Variants in MRTFB observed in about 807,000 individuals in gnomAD.
The protein encoded by MRTFB is myocardin-related transcription factor B.
Under a neutral mutation model 104.2 loss-of-function variants are expected in MRTFB, and 29 were observed. The ratio of observed to expected loss-of-function variants is 0.28; its 90% confidence interval spans 0.21 to 0.38. MRTFB has a LOEUF of 0.38. Among genes scored for constraint, MRTFB ranks in the 10% least tolerant of loss-of-function variants. The pLI is 1.00. For missense variants in MRTFB, 1,270 were observed against 1,341.6 expected (o/e 0.95, Z 0.83); for synonymous variants, 535 against 519.5 (o/e 1.03, Z -0.41).
intron 7 of MRTFB, among the ~76,000 whole-genome samples, chr16:14,218,174 C>G (rs2041510081): frequency 1.3e-5 from 2 of 152,286 alleles, no homozygotes; most frequent in South Asian, 4.1e-4. Flanking sequence ...ATTCTCCTGC[C>G]TCAGCCTCCC....
chr16:14,098,674 T>G (rs2035529928), intron 2 of MRTFB, among the ~76,000 whole-genome samples: 1 of 152,216 alleles, frequency 6.6e-6, no homozygotes, highest in Non-Finnish European at 1.5e-5. Flanking sequence ...CTTGTAGAAT[T>G]TTGATAGTTT....
At chr16:14,043,932 G>C in the MRTFB span, among the ~76,000 whole-genome samples, 1 of 152,206 alleles carries the variant, frequency 6.6e-6, no homozygotes, top group African/African-American at 2.4e-5. Context: ...GCAGTGATAG[G>C]AGCACTCAGT....
the MRTFB span, among the ~76,000 whole-genome samples, chr16:14,008,108 G>A: frequency 6.6e-6 from 1 of 152,128 alleles, no homozygotes; most frequent in Non-Finnish European, 1.5e-5. Context: ...GTACATGTTT[G>A]TAGTCCCAGC....
the MRTFB span, among the ~76,000 whole-genome samples, chr16:14,063,043 G>C: frequency 8.5e-5 from 13 of 152,146 alleles, no homozygotes; most frequent in Non-Finnish European, 1.2e-4. Flanking sequence ...TATCTTCTCC[G>C]GGGTGCCCGG....
At chr16:14,016,824 A>G in the MRTFB span, among the ~76,000 whole-genome samples, 1 of 146,894 alleles carries the variant, frequency 6.8e-6, no homozygotes, top group African/African-American at 2.5e-5. Context: ...CCCAGGCCGT[A>G]TGGTGGTTGG....
chr16:14,107,190 C>T (rs188172809), intron 2 of MRTFB, among the ~76,000 whole-genome samples: 4 of 152,310 alleles, frequency 2.6e-5, no homozygotes, highest in East Asian at 1.9e-4. Flanking sequence ...GAGCCGAGAC[C>T]GTGCCACTGC....
intron 3 of MRTFB, among the ~76,000 whole-genome samples, chr16:14,189,992 C>A (rs1054898942): frequency 1.3e-5 from 2 of 152,150 alleles, no homozygotes; most frequent in Non-Finnish European, 2.9e-5. Flanking sequence ...TTAGCAATAC[C>A]TTTTGAAAAT....
intron 12 of MRTFB, chr16:14,248,315 A>G (rs1042682348): frequency 1.3e-5 from 2 of 152,250 alleles, no homozygotes; most frequent in Admixed American, 6.5e-5. Context: ...ATCATCTCGT[A>G]CCCCTGTGGT....
chr16:14,109,070 G>A (rs1313330957), intron 2 of MRTFB, among the ~76,000 whole-genome samples: 1 of 152,138 alleles, frequency 6.6e-6, no homozygotes, highest in South Asian at 2.1e-4. Context: ...ATCTTTAAAG[G>A]ATTTAAGGCT....
At chr16:14,093,198 A>G (rs899266820) in intron 2 of MRTFB, among the ~76,000 whole-genome samples, 11 of 152,048 alleles carry the variant, frequency 7.2e-5, no homozygotes, top group South Asian at 6.2e-4. Context: ...TTAGAAAAGC[A>G]CAGTTGTATT....
At chr16:14,225,754 C>T (rs2041974932) in intron 8 of MRTFB, among the ~76,000 whole-genome samples, 1 of 152,176 alleles carries the variant, frequency 6.6e-6, no homozygotes, top group Admixed American at 6.5e-5. Flanking sequence ...GTCTCGAACT[C>T]CTGAGCTTAG....
upstream of MRTFB, among the ~76,000 whole-genome samples, chr16:14,069,710 A>G (rs1236285750): frequency 6.6e-6 from 1 of 152,084 alleles, no homozygotes; most frequent in Non-Finnish European, 1.5e-5. Flanking sequence ...TAAAACTCCT[A>G]GGCTCAAGTG....
intron 3 of MRTFB, among the ~76,000 whole-genome samples, chr16:14,154,970 C>T (rs1345144995): frequency 6.6e-6 from 1 of 152,182 alleles, no homozygotes; most frequent in Non-Finnish European, 1.5e-5. Context: ...AAGCAAATTA[C>T]TCTAAGGGAG....
At chr16:14,140,801 T>A (rs751349619) in intron 3 of MRTFB, 41 bp downstream of exon 3, 2 of 1,611,438 alleles carry the variant, frequency 1.2e-6, no homozygotes, top group Non-Finnish European at 1.7e-6. Flanking sequence ...ATTTAAAGAT[T>A]TCCCCTCTTT....
At chr16:14,044,980 C>G in the MRTFB span, among the ~76,000 whole-genome samples, 7 of 152,284 alleles carry the variant, frequency 4.6e-5, no homozygotes, top group Non-Finnish European at 7.4e-5. Context: ...CTGACCAGCC[C>G]TACCTTGGCT....
the MRTFB span, among the ~76,000 whole-genome samples, chr16:14,004,614 G>T: frequency 6.6e-6 from 1 of 152,136 alleles, no homozygotes; most frequent in African/African-American, 2.4e-5. Context: ...TGGCCACAAA[G>T]ACTTTGGATG....
chr16:14,230,323 A>T (rs2151295538), intron 8 of MRTFB, among the ~76,000 whole-genome samples: 1 of 152,344 alleles, frequency 6.6e-6, no homozygotes, highest in East Asian at 1.9e-4. Flanking sequence ...AGCAAAAGAA[A>T]CTACCATCAG....
intron 2 of MRTFB, among the ~76,000 whole-genome samples, chr16:14,120,861 C>T (rs2036810772): frequency 6.6e-6 from 1 of 152,118 alleles, no homozygotes; most frequent in Admixed American, 6.6e-5. Context: ...TAAGGTCTGT[C>T]TGTGGGACCA....
chr16:14,233,538 A>C (rs1203615380), intron 8 of MRTFB, among the ~76,000 whole-genome samples: 1 of 152,166 alleles, frequency 6.6e-6, no homozygotes, highest in Non-Finnish European at 1.5e-5. Flanking sequence ...GTGTAATCTC[A>C]GCACTTTGGG....
Sources: gnomAD v4.1 joint callset for allele counts (sites outside exome capture counted in the v4.1 genomes callset) on GRCh38, gnomAD v4.1.1 for gene constraint, MANE v1.5 for transcripts, NCBI Gene and HGNC (gene_info 2026-07-23, HGNC 2026-07-21) for gene names.